Variants in AK5 observed in about 807,000 individuals in gnomAD.
AK5 encodes adenylate kinase isoenzyme 5.
Under a neutral mutation model 69.5 loss-of-function variants are expected in AK5, and 27 were observed. That is an observed-to-expected ratio of 0.39 (90% CI 0.29 to 0.54). The LOEUF (loss-of-function observed/expected upper bound fraction) is 0.54. Among genes scored for constraint, AK5 ranks in the 20% least tolerant of loss-of-function variants. The pLI, the probability that AK5 is intolerant of heterozygous loss-of-function variation, is 0.71. For synonymous variants in AK5, 260 were observed against 244.4 expected, an observed-to-expected ratio of 1.06 and a Z score of -0.60; for missense variants, 531 against 700.4, an observed-to-expected ratio of 0.76 and a Z score of 2.73.
chr1:77,443,261 C>G (rs1652441413), intron 8 of AK5, among the ~76,000 whole-genome samples: 1 of 152,136 alleles, frequency 6.6e-6, no homozygotes, highest in African/African-American at 2.4e-5. Flanking sequence ...GGGTGCTCAA[C>G]TGGTATTTAA....
At chr1:77,528,379 G>A (rs940054222) in intron 12 of AK5, among the ~76,000 whole-genome samples, 1 of 152,066 alleles carries the variant, frequency 6.6e-6, no homozygotes, top group Non-Finnish European at 1.5e-5. Context: ...CTGTGTCACC[G>A]AGATTGATGC....
intron 6 of AK5, among the ~76,000 whole-genome samples, chr1:77,344,720 C>A (rs1171723667): frequency 6.6e-6 from 1 of 151,740 alleles, no homozygotes; most frequent in Admixed American, 6.6e-5. Flanking sequence ...TCAGTCTCAC[C>A]AAGTTGGAAC....
chr1:77,427,127 C>A (rs1348316455), intron 8 of AK5, among the ~76,000 whole-genome samples: 2 of 150,838 alleles, frequency 1.3e-5, no homozygotes, highest in African/African-American at 4.9e-5. Flanking sequence ...CCAAAGTAAG[C>A]CAAAGAAAAA....
chr1:77,348,422 T>C (rs894191199), intron 6 of AK5, among the ~76,000 whole-genome samples: 6 of 152,198 alleles, frequency 3.9e-5, no homozygotes, highest in Admixed American at 6.5e-5. Context: ...CTCATCATTT[T>C]TTATGGCTGC....
chr1:77,394,444 G>A (rs986180850), intron 6 of AK5, among the ~76,000 whole-genome samples: 3 of 151,992 alleles, frequency 2.0e-5, no homozygotes, highest in African/African-American at 7.2e-5. Context: ...CCCTCTCTGG[G>A]ACCAGTTAAT....
intron 6 of AK5, among the ~76,000 whole-genome samples, chr1:77,388,076 A>G (rs1189589997): frequency 1.3e-5 from 2 of 152,218 alleles, no homozygotes; most frequent in Non-Finnish European, 2.9e-5. Flanking sequence ...CCATTATGAC[A>G]TAATGCCATA....
At chr1:77,294,055 G>A in intron 3 of AK5, 95 bp downstream of exon 3, 1 of 1,120,194 alleles carries the variant, frequency 8.9e-7, no homozygotes, top group Non-Finnish European at 1.3e-6. Context: ...GCAAATAGTT[G>A]GATAATGACA....
At chr1:77,467,907 C>G (rs888222378) in intron 8 of AK5, among the ~76,000 whole-genome samples, 1 of 152,206 alleles carries the variant, frequency 6.6e-6, no homozygotes, top group African/African-American at 2.4e-5. Flanking sequence ...CATCCCTCAC[C>G]CGGTGCTCAT....
chr1:77,385,210 A>C (rs1647930420), intron 6 of AK5, among the ~76,000 whole-genome samples: 1 of 152,042 alleles, frequency 6.6e-6, no homozygotes, highest in Non-Finnish European at 1.5e-5. Flanking sequence ...CCCAGGCTGG[A>C]GTGCAGTGGC....
chr1:77,359,026 C>T (rs1646803528), intron 6 of AK5, among the ~76,000 whole-genome samples: 1 of 151,810 alleles, frequency 6.6e-6, no homozygotes, highest in Non-Finnish European at 1.5e-5. Context: ...GAGGCTGAGG[C>T]GGGCGGATCA....
Position 77,558,660 on chromosome 1 carries a change from C to CTAT in AK5, c.1681_1683dup (p.Ile561dup), listed in dbSNP as rs6485. The stretch of plus-strand genomic sequence containing the variant: ...CTTCAACTCTGCACAGCTATTGACT[C>CTAT]TATTTTCTGAAGGCAAAAATGCATG... On this transcript the variant is annotated inframe_insertion, in exon 14 of 14. Transcript: ENST00000354567. The CTAT allele has an allele frequency of 0.74, 1,180,511 of 1,588,160 alleles. 447,473 individuals are homozygous for CTAT. Among genetic ancestry groups the CTAT allele is most frequent in the Admixed American group, 0.81 (48,257 of 59,708 alleles).
intron 6 of AK5, among the ~76,000 whole-genome samples, chr1:77,391,495 G>GTATA (rs753916010): frequency 9.5e-5 from 6 of 63,410 alleles, no homozygotes; most frequent in African/African-American, 2.1e-4. Context: ...GTGTGTGTGT[G>GTATA]TATATATATA....
chr1:77,504,441 AT>A (rs61693501), intron 10 of AK5, among the ~76,000 whole-genome samples: 48 of 150,342 alleles, frequency 3.2e-4, no homozygotes, highest in Middle Eastern at 3.5e-3. Flanking sequence ...GTATATATAT[AT>A]TTTTTTTAAT....
intron 13 of AK5, among the ~76,000 whole-genome samples, chr1:77,557,065 C>A (rs1461534922): frequency 2.6e-5 from 4 of 151,958 alleles, no homozygotes; most frequent in African/African-American, 9.7e-5. Context: ...CTCCCTACCT[C>A]CCCCCACATA....
chr1:77,348,974 A>G (rs1209086538), intron 6 of AK5, among the ~76,000 whole-genome samples: 2 of 152,202 alleles, frequency 1.3e-5, no homozygotes, highest in Admixed American at 6.5e-5. Flanking sequence ...TTTAAGGCCA[A>G]ACTAATTGGA....
At chr1:77,316,578 G>C (rs1660256356) in intron 5 of AK5, among the ~76,000 whole-genome samples, 1 of 152,146 alleles carries the variant, frequency 6.6e-6, no homozygotes, top group Non-Finnish European at 1.5e-5. Flanking sequence ...TTGATTTGCT[G>C]TGCCTAAGGG....
chr1:77,297,309 C>T (rs1659066987), intron 3 of AK5, among the ~76,000 whole-genome samples: 1 of 152,042 alleles, frequency 6.6e-6, no homozygotes. Context: ...TTTTAATTAG[C>T]TATTTGCTCA....
At chr1:77,291,701 G>A (rs1469410318) in intron 2 of AK5, among the ~76,000 whole-genome samples, 1 of 152,168 alleles carries the variant, frequency 6.6e-6, no homozygotes. Context: ...CATCTGCCAA[G>A]CACAGTTCTA....
At chr1:77,496,420 A>C (rs1656317998) in intron 10 of AK5, among the ~76,000 whole-genome samples, 1 of 152,190 alleles carries the variant, frequency 6.6e-6, no homozygotes, top group Non-Finnish European at 1.5e-5. Context: ...TCAGCTTCCA[A>C]CTTCAGATGG....
Sources: allele counts gnomAD v4.1 joint callset (sites outside exome capture counted in the v4.1 genomes callset), GRCh38; gene constraint gnomAD v4.1.1; transcripts MANE v1.5; gene names NCBI Gene and HGNC (gene_info 2026-07-23, HGNC 2026-07-21).